The following DRC11 variants were observed in gnomAD, a reference collection of about 807,000 sequenced individuals.
The protein encoded by DRC11 is IQ and AAA domain-containing protein 1.
At chr2:236,359,625 A>AG in the DRC11 span, among the ~76,000 whole-genome samples, 4 of 152,172 alleles carry the variant, frequency 2.6e-5, no homozygotes, top group Non-Finnish European at 5.9e-5. The surrounding 1 kb of genome is among the most constrained non-coding windows in gnomAD (Gnocchi z 4.3). Flanking sequence ...CTTGAGCCAC[A>AG]GCCCGTGTTC....
chr2:236,414,297 T>C, the DRC11 span, among the ~76,000 whole-genome samples: 1 of 152,192 alleles, frequency 6.6e-6, no homozygotes, highest in Non-Finnish European at 1.5e-5. Context: ...AAGACCTCTT[T>C]GCCTAGCTCT....
chr2:236,443,843 C>A, the DRC11 span, among the ~76,000 whole-genome samples: 1 of 152,182 alleles, frequency 6.6e-6, no homozygotes, highest in Non-Finnish European at 1.5e-5. The surrounding 1 kb of genome is among the most constrained non-coding windows in gnomAD (Gnocchi z 4.4). Flanking sequence ...TGCAACCTTG[C>A]CAGCACCTGT....
At chr2:236,393,230 G>T in the DRC11 span, among the ~76,000 whole-genome samples, 8 of 152,172 alleles carry the variant, frequency 5.3e-5, no homozygotes, top group African/African-American at 1.7e-4. The surrounding 1 kb of genome is among the most constrained non-coding windows in gnomAD (Gnocchi z 4.7). Flanking sequence ...CACTTCACTG[G>T]GAGCTGCCTT....
chr2:236,326,360 C>A, the DRC11 span, among the ~76,000 whole-genome samples: 1 of 152,120 alleles, frequency 6.6e-6, no homozygotes, highest in African/African-American at 2.4e-5. Context: ...TTCAACCCAC[C>A]TTTGATGGAT....
At chr2:236,357,621 ATAAATATG>A in the DRC11 span, among the ~76,000 whole-genome samples, 1 of 119,190 alleles carries the variant, frequency 8.4e-6, no homozygotes, top group East Asian at 2.3e-4. Flanking sequence ...TTATAAATAT[ATAAATATG>A]CATATAATAT....
the DRC11 span, among the ~76,000 whole-genome samples, chr2:236,366,975 A>ATTTTTTTTT: frequency 7.8e-6 from 1 of 127,392 alleles, no homozygotes; most frequent in Non-Finnish European, 1.6e-5. Flanking sequence ...ACACCCGGCT[A>ATTTTTTTTT]TTTTTTTTTT....
chr2:236,383,999 A>AT, the DRC11 span, among the ~76,000 whole-genome samples: 1 of 152,060 alleles, frequency 6.6e-6, no homozygotes, highest in Non-Finnish European at 1.5e-5. Context: ...TGAACTCATC[A>AT]TTTTTTATGG....
At chr2:236,364,529 C>T in the DRC11 span, among the ~76,000 whole-genome samples, 29 of 152,212 alleles carry the variant, frequency 1.9e-4, no homozygotes, top group South Asian at 1.2e-3. Context: ...CTGTCAGTAG[C>T]GGCAGAGTTA....
the DRC11 span, among the ~76,000 whole-genome samples, chr2:236,404,161 T>TAAAAAAAAAAAAAAAAAAAAAAAAA: frequency 1.1e-5 from 1 of 91,566 alleles, no homozygotes; most frequent in Non-Finnish European, 2.3e-5. Flanking sequence ...AATGGAGAGT[T>TAAAAAAAAAAAAAAAAAAAAAAAAA]AAAAAAAAAA....
At chr2:236,393,181 C>T in the DRC11 span, among the ~76,000 whole-genome samples, 1 of 152,136 alleles carries the variant, frequency 6.6e-6, no homozygotes, top group Admixed American at 6.5e-5. The surrounding 1 kb of genome is among the most constrained non-coding windows in gnomAD (Gnocchi z 4.7). Context: ...AGGAAATTTG[C>T]TGGAATTTGT....
chr2:236,396,111 C>T, the DRC11 span, among the ~76,000 whole-genome samples: 2 of 152,024 alleles, frequency 1.3e-5, no homozygotes, highest in Non-Finnish European at 2.9e-5. Context: ...TCTCATGACA[C>T]TTTTGCGCAG....
At chr2:236,390,456 C>T in the DRC11 span, among the ~76,000 whole-genome samples, 2 of 152,190 alleles carry the variant, frequency 1.3e-5, no homozygotes, top group African/African-American at 2.4e-5. This position sits in a 1 kb window ranked among gnomAD's most constrained non-coding sequence, Gnocchi z 5.9. Flanking sequence ...AATCCATATA[C>T]ATCTGAAGTA....
At chr2:236,381,701 AATGTGCTTATTTC>A in the DRC11 span, among the ~76,000 whole-genome samples, 1 of 152,204 alleles carries the variant, frequency 6.6e-6, no homozygotes, top group Non-Finnish European at 1.5e-5. The surrounding 1 kb of genome is among the most constrained non-coding windows in gnomAD (Gnocchi z 5.8). Flanking sequence ...ACATGCTTCA[AATGTGCTTATTTC>A]ATGTGCTTAT....
chr2:236,341,069 A>G, the DRC11 span, among the ~76,000 whole-genome samples: 64 of 152,272 alleles, frequency 4.2e-4, 2 homozygotes, highest in African/African-American at 1.5e-3. Flanking sequence ...TCACAACTGT[A>G]TTACTTTGGG....
At chr2:236,380,662 C>T in the DRC11 span, 2 of 1,504,396 alleles carry the variant, frequency 1.3e-6, no homozygotes, top group Non-Finnish European at 1.8e-6. This position sits in a 1 kb window ranked among gnomAD's most constrained non-coding sequence, Gnocchi z 4.9. Flanking sequence ...AAATAACCAA[C>T]AATTTAGTCA....
At chr2:236,353,778 G>A in the DRC11 span, among the ~76,000 whole-genome samples, 21 of 152,106 alleles carry the variant, frequency 1.4e-4, no homozygotes, top group African/African-American at 4.8e-4. This position sits in a 1 kb window ranked among gnomAD's most constrained non-coding sequence, Gnocchi z 5.0. Flanking sequence ...AATGGGTGTC[G>A]CTGAGTGAGG....
chr2:236,335,316 A>G, the DRC11 span, among the ~76,000 whole-genome samples: 2 of 152,200 alleles, frequency 1.3e-5, no homozygotes, highest in Non-Finnish European at 2.9e-5. This position sits in a 1 kb window ranked among gnomAD's most constrained non-coding sequence, Gnocchi z 5.6. Context: ...GAAAACTTCA[A>G]GGTCACTGGA....
At chr2:236,462,333 A>G in the DRC11 span, among the ~76,000 whole-genome samples, 1 of 152,148 alleles carries the variant, frequency 6.6e-6, no homozygotes, top group African/African-American at 2.4e-5. The surrounding 1 kb of genome is among the most constrained non-coding windows in gnomAD (Gnocchi z 6.4). Flanking sequence ...AGTCCCCAAC[A>G]GACCAGGTGG....
the DRC11 span, among the ~76,000 whole-genome samples, chr2:236,489,114 G>A: frequency 1.4e-5 from 2 of 138,596 alleles, no homozygotes; most frequent in African/African-American, 2.7e-5. Flanking sequence ...TGAGGCCTGT[G>A]TGGGCTCTGG....
Sources: allele counts gnomAD v4.1 joint callset (sites outside exome capture counted in the v4.1 genomes callset), GRCh38; gene constraint gnomAD v4.1.1; non-coding constraint Gnocchi (gnomAD v3.1); transcripts MANE v1.5; gene names NCBI Gene and HGNC (gene_info 2026-07-23, HGNC 2026-07-21).